EDA: variants seen among roughly 807,000 people sequenced by gnomAD.
EDA encodes ectodysplasin-A.
EDA carries 2 observed loss-of-function variants against 23.6 expected under a neutral mutation model. The ratio of observed to expected loss-of-function variants is 0.08; its 90% CI spans 0.03 to 0.27. The LOEUF is 0.27. EDA is among the 10% of genes least tolerant of loss of function. The probability of loss-of-function intolerance (pLI) is 1.00; values close to 1 mark genes in which losing one functional copy is unlikely to be tolerated. For missense variants in EDA, 229 were observed against 324.2 expected, an observed-to-expected ratio of 0.71 and a Z score of 2.26; for synonymous variants, 131 against 132.0, an observed-to-expected ratio of 0.99 and a Z score of 0.05.
intron 1 of EDA, among the ~76,000 whole-genome samples, chrX:69,744,033 G>A (rs932262366): frequency 1.8e-5 from 2 of 111,729 alleles, no homozygotes. Context: ...GAAGAAGCAA[G>A]TGGATGCCTC....
chrX:69,642,119 A>T (rs1052342718), intron 1 of EDA, among the ~76,000 whole-genome samples: 1 of 110,666 alleles, frequency 9.0e-6, no homozygotes, highest in Non-Finnish European at 1.9e-5. Flanking sequence ...GAGGAGGAAG[A>T]GGAGGAGGAG....
chrX:69,766,195 C>T (rs1401717124), intron 1 of EDA, among the ~76,000 whole-genome samples: 4 of 111,685 alleles, frequency 3.6e-5, no homozygotes, highest in African/African-American at 1.3e-4. Context: ...GCTGTTGAGC[C>T]CACACATTGA....
At chrX:70,027,213 C>T (rs1307943095) in intron 3 of EDA, among the ~76,000 whole-genome samples, 10 of 111,926 alleles carry the variant, frequency 8.9e-5, no homozygotes, top group Non-Finnish European at 1.9e-4. Flanking sequence ...CTTCTCTGAC[C>T]TCTTCAGCAT....
At chrX:69,686,016 T>A (rs1602294819) in intron 1 of EDA, among the ~76,000 whole-genome samples, 1 of 112,616 alleles carries the variant, frequency 8.9e-6, no homozygotes, top group African/African-American at 3.2e-5. Context: ...TTTCTTTTCT[T>A]TTTTGTTTTG....
intron 1 of EDA, among the ~76,000 whole-genome samples, chrX:69,894,171 T>C (rs1245364561): frequency 2.7e-5 from 3 of 111,606 alleles, no homozygotes; most frequent in African/African-American, 9.8e-5. Flanking sequence ...AGGGAGTCTT[T>C]CCCCCATTGC....
intron 1 of EDA, among the ~76,000 whole-genome samples, chrX:69,700,119 A>G (rs1042888793): frequency 5.4e-5 from 6 of 110,593 alleles, no homozygotes; most frequent in African/African-American, 2.0e-4. Flanking sequence ...TTCTGCCAAG[A>G]AGTTGAAAAG....
chrX:69,794,641 C>G, intron 1 of EDA, among the ~76,000 whole-genome samples: 1 of 112,170 alleles, frequency 8.9e-6, no homozygotes. Context: ...GCGTGGAGAC[C>G]AGTGAAGAGG....
chrX:69,937,816 T>C (rs2018696515), intron 1 of EDA: 1 of 1,192,150 alleles, frequency 8.4e-7, no homozygotes, highest in East Asian at 3.0e-5. Context: ...AAGTCTACAT[T>C]ACACCGCAAT....
chrX:69,782,428 G>A (rs1436580890), intron 1 of EDA, among the ~76,000 whole-genome samples: 1 of 107,757 alleles, frequency 9.3e-6, no homozygotes, highest in Non-Finnish European at 1.9e-5. Flanking sequence ...CTACTGAGAG[G>A]AGAGGAGGGG....
At chrX:69,937,254 T>G in intron 1 of EDA, 1 of 776,614 alleles carries the variant, frequency 1.3e-6, no homozygotes, top group Non-Finnish European at 2.0e-6. Context: ...ATGACCACAA[T>G]ATTTGGCATC....
chrX:69,786,480 G>C (rs1235433838), intron 1 of EDA, among the ~76,000 whole-genome samples: 3 of 106,318 alleles, frequency 2.8e-5, no homozygotes, highest in Non-Finnish European at 5.9e-5. Flanking sequence ...CAGAGATTCT[G>C]GTATGTTGTG....
intron 2 of EDA, among the ~76,000 whole-genome samples, chrX:70,005,725 G>A (rs2019794846): frequency 9.1e-6 from 1 of 110,216 alleles, no homozygotes; most frequent in Non-Finnish European, 1.9e-5. Context: ...TAGAGCCAGG[G>A]CTTGGAGATT....
intron 1 of EDA, among the ~76,000 whole-genome samples, chrX:69,811,183 A>G (rs1602432289): frequency 1.8e-5 from 2 of 112,275 alleles, no homozygotes; most frequent in Non-Finnish European, 1.9e-5. Context: ...TGAGCACTCT[A>G]TAAAATGGGG....
At chrX:70,017,685 T>C (rs1211098109) in intron 2 of EDA, among the ~76,000 whole-genome samples, 1 of 111,646 alleles carries the variant, frequency 9.0e-6, no homozygotes, top group East Asian at 2.8e-4. Flanking sequence ...AAACTAGGCA[T>C]TGAAGGAACG....
intron 2 of EDA, among the ~76,000 whole-genome samples, chrX:70,005,852 G>A (rs1440576029): frequency 9.0e-6 from 1 of 111,537 alleles, no homozygotes; most frequent in Non-Finnish European, 1.9e-5. Context: ...ATATTGAACA[G>A]AAACAGAGAG....
chrX:70,033,913 C>G (rs1050667219), intron 7 of EDA, among the ~76,000 whole-genome samples: 2 of 111,394 alleles, frequency 1.8e-5, no homozygotes, highest in South Asian at 7.7e-4. Context: ...TACTGAGAAC[C>G]CTTTCCCTCA....
chrX:69,838,892 A>G (rs889370105), intron 1 of EDA, among the ~76,000 whole-genome samples: 1 of 111,963 alleles, frequency 8.9e-6, no homozygotes, highest in African/African-American at 3.2e-5. Flanking sequence ...TCCCAATCCA[A>G]ATTTGTTCAT....
intron 1 of EDA, among the ~76,000 whole-genome samples, chrX:69,709,554 A>G (rs941440103): frequency 8.9e-6 from 1 of 112,344 alleles, no homozygotes; most frequent in African/African-American, 3.2e-5. Flanking sequence ...TAACTTTTAT[A>G]TCAAAAGTAA....
chrX:70,011,722 G>C (rs1250071051), intron 2 of EDA, among the ~76,000 whole-genome samples: 1 of 111,554 alleles, frequency 9.0e-6, no homozygotes. Flanking sequence ...TTGCAAGGCC[G>C]ATCTACTAGC....
Sources: gnomAD v4.1 joint callset for allele counts (sites outside exome capture counted in the v4.1 genomes callset) on GRCh38, gnomAD v4.1.1 for gene constraint, MANE v1.5 for transcripts, NCBI Gene and HGNC (gene_info 2026-07-23, HGNC 2026-07-21) for gene names.